ESRRG: variants seen among roughly 807,000 people sequenced by gnomAD.
The protein encoded by ESRRG is estrogen related receptor gamma.
Under a neutral mutation model 44.0 loss-of-function variants are expected in ESRRG, and 13 were observed. That is an observed-to-expected ratio of 0.30 (90% confidence interval 0.19 to 0.47). The LOEUF is 0.47. Among genes scored for constraint, ESRRG ranks in the 20% least tolerant of loss-of-function variants. ESRRG has a pLI of 1.00. For synonymous variants in ESRRG, 215 were observed against 214.6 expected (o/e 1.00, Z -0.02); for missense variants, 395 against 580.6 (o/e 0.68, Z 3.29).
Position 216,572,771 on chromosome 1 carries a change from A to G in ESRRG, c.590-4673T>C, listed in dbSNP as rs147388745. Among the ~76,000 whole-genome samples the G allele has an allele frequency of 1.1e-4, 17 of 152,188 alleles. No homozygotes were observed. In the South Asian group the frequency reaches 2.1e-3, roughly 19 times the overall value. On this transcript the variant is annotated intron_variant, in intron 3 of 6. Coordinates refer to ENST00000408911, the MANE Select transcript of ESRRG (RefSeq NM_001438.4). Reference sequence around the variant, plus strand: ...CAAATTTTATAGTGATAAAAGGTACATTGCAAAGGACAGAAGTATTTAACC... The same window carrying G: ...CAAATTTTATAGTGATAAAAGGTACGTTGCAAAGGACAGAAGTATTTAACC...
chr1:216,985,985 C>T (rs184479553), intron 1 of ESRRG, among the ~76,000 whole-genome samples: 1 of 152,284 alleles, frequency 6.6e-6, no homozygotes, highest in East Asian at 1.9e-4. Context: ...GATAGCTTGA[C>T]CACAAAGCTA....
intron 5 of ESRRG, among the ~76,000 whole-genome samples, chr1:216,551,466 T>C (rs1291939819): frequency 6.6e-6 from 1 of 152,192 alleles, no homozygotes. Flanking sequence ...ATATAAAATG[T>C]ACTCAACCAT....
intron 5 of ESRRG, among the ~76,000 whole-genome samples, chr1:216,549,008 A>G (rs952245665): frequency 2.0e-5 from 3 of 152,158 alleles, no homozygotes; most frequent in African/African-American, 4.8e-5. Context: ...CCAAATGTTA[A>G]GCTCTAAATT....
chr1:216,761,558 C>T (rs1457760921), intron 2 of ESRRG, among the ~76,000 whole-genome samples: 2 of 152,084 alleles, frequency 1.3e-5, no homozygotes, highest in East Asian at 3.9e-4. Context: ...GACTTGGGTT[C>T]ACTGTATTCT....
intron 3 of ESRRG, among the ~76,000 whole-genome samples, chr1:216,598,787 T>C (rs545150828): frequency 1.3e-5 from 2 of 152,218 alleles, no homozygotes; most frequent in East Asian, 3.9e-4. Context: ...AAGCTATTTG[T>C]ATACCTCATC....
At chr1:216,765,564 G>A (rs1318863630) in intron 2 of ESRRG, among the ~76,000 whole-genome samples, 1 of 152,112 alleles carries the variant, frequency 6.6e-6, no homozygotes, top group East Asian at 1.9e-4. Context: ...TGTACTGACA[G>A]TTATCCTGCT....
intron 2 of ESRRG, among the ~76,000 whole-genome samples, chr1:216,861,800 A>G (rs923529763): frequency 6.6e-6 from 1 of 152,146 alleles, no homozygotes; most frequent in African/African-American, 2.4e-5. Context: ...AAAATCAAAT[A>G]AAAGGTTTAT....
At chr1:216,589,170 T>G (rs2057219897) in intron 3 of ESRRG, among the ~76,000 whole-genome samples, 1 of 152,190 alleles carries the variant, frequency 6.6e-6, no homozygotes, top group Admixed American at 6.5e-5. Context: ...CAGGTAAGAA[T>G]GCAGGACTAC....
intron 2 of ESRRG, among the ~76,000 whole-genome samples, chr1:216,674,296 C>T (rs929306308): frequency 1.3e-5 from 2 of 152,156 alleles, no homozygotes; most frequent in Non-Finnish European, 2.9e-5. Flanking sequence ...AGCTTTCTCG[C>T]TTTCCATGTG....
At chr1:216,822,654 T>C (rs1364394178) in intron 2 of ESRRG, among the ~76,000 whole-genome samples, 1 of 152,206 alleles carries the variant, frequency 6.6e-6, no homozygotes, top group Non-Finnish European at 1.5e-5. Flanking sequence ...CTGCTACTCC[T>C]GAGTCTCAGG....
At chr1:216,544,387 C>A (rs1417475755) in intron 5 of ESRRG, among the ~76,000 whole-genome samples, 1 of 151,940 alleles carries the variant, frequency 6.6e-6, no homozygotes, top group African/African-American at 2.4e-5. Context: ...TTTAATTTTC[C>A]TGCTGACTCA....
chr1:216,830,427 G>C (rs769534047), intron 2 of ESRRG, among the ~76,000 whole-genome samples: 1 of 152,172 alleles, frequency 6.6e-6, no homozygotes, highest in Non-Finnish European at 1.5e-5. Context: ...TGTGCACAAC[G>C]CTTGACTAAC....
chr1:217,010,629 C>T (rs962528347), intron 1 of ESRRG, among the ~76,000 whole-genome samples: 3 of 152,146 alleles, frequency 2.0e-5, no homozygotes, highest in Non-Finnish European at 4.4e-5. Context: ...AGAACTGAGC[C>T]TTGTCAGAGG....
chr1:216,729,897 G>A (rs1332695406), intron 2 of ESRRG, among the ~76,000 whole-genome samples: 2 of 152,122 alleles, frequency 1.3e-5, no homozygotes, highest in Non-Finnish European at 2.9e-5. Context: ...CTTTGCTCTT[G>A]TTACATTGAA....
intron 3 of ESRRG, among the ~76,000 whole-genome samples, chr1:216,615,335 G>A (rs540269205): frequency 3.3e-5 from 5 of 152,218 alleles, no homozygotes; most frequent in East Asian, 3.9e-4. Flanking sequence ...TAAAGAAATC[G>A]GGTTATACTT....
chr1:216,915,613 G>A (rs770252897), intron 2 of ESRRG, among the ~76,000 whole-genome samples: 17 of 151,956 alleles, frequency 1.1e-4, no homozygotes, highest in Non-Finnish European at 2.1e-4. Flanking sequence ...CCCTGGAAAT[G>A]AGTACTTGAT....
In ESRRG at chr1:217,002,728, T is replaced by C. The variant is rs566787140; in HGVS notation, c.-105-63055A>G. Among the ~76,000 whole-genome samples, 5 of 152,216 alleles carry C rather than the reference T, an allele frequency of 3.3e-5. 1 individual carries two copies. The highest frequency in any genetic ancestry group is 1.2e-4 in the African/African-American group (5 of 41,536). On this transcript the variant is annotated intron_variant, in intron 1 of 7. Coordinates refer to the ESRRG transcript ENST00000359162. ...TCTAGGAGAAACAGCCATTGTGCCA[T>C]AAGGAGAGGGACACATGGAGAGGAA...
At chr1:216,984,524 CT>C (rs1201587597) in intron 1 of ESRRG, among the ~76,000 whole-genome samples, 1 of 152,154 alleles carries the variant, frequency 6.6e-6, no homozygotes, top group East Asian at 1.9e-4. Context: ...TTAACCATTC[CT>C]ATAATGGGAA....
intron 3 of ESRRG, among the ~76,000 whole-genome samples, chr1:216,582,978 G>A (rs2063082092): frequency 6.6e-6 from 1 of 151,918 alleles, no homozygotes; most frequent in Non-Finnish European, 1.5e-5. Flanking sequence ...ATGGGAGAAT[G>A]GCCAGGAAAG....
Sources: gnomAD v4.1 joint callset for allele counts (sites outside exome capture counted in the v4.1 genomes callset) on GRCh38, gnomAD v4.1.1 for gene constraint, MANE v1.5 for transcripts, NCBI Gene and HGNC (gene_info 2026-07-23, HGNC 2026-07-21) for gene names.